The following PHLPP1 variants were observed in gnomAD, a reference collection of about 807,000 sequenced individuals.
PHLPP1 encodes PH domain and leucine rich repeat protein phosphatase 1.
A neutral mutation model predicts 117.2 loss-of-function variants in PHLPP1; 42 were observed. The ratio of observed to expected loss-of-function variants is 0.36; its 90% CI spans 0.28 to 0.46. The LOEUF (loss-of-function observed/expected upper bound fraction) is 0.46. PHLPP1 is among the 20% of genes least tolerant of loss of function. PHLPP1 has a pLI of 1.00. For synonymous variants in PHLPP1, 1,042 were observed against 970.7 expected (o/e 1.07, Z -1.37); for missense variants, 2,084 against 2,241.9 (o/e 0.93, Z 1.42).
intron 6 of PHLPP1, among the ~76,000 whole-genome samples, chr18:62,898,295 A>G (rs948501624): frequency 2.0e-5 from 3 of 152,002 alleles, no homozygotes; most frequent in African/African-American, 4.8e-5. Flanking sequence ...TACTCAACCA[A>G]TTCTTTCTCA....
rs552504018 is a variant in PHLPP1 at position 62,765,299 on chromosome 18, T to C, written c.1576+48040T>C. Among the ~76,000 whole-genome samples the C allele has an allele frequency of 1.5e-4, 23 of 152,368 alleles. 1 individual carries two copies. The South Asian group carries it at 1.7e-3, about 11-fold the overall frequency. On this transcript the variant is annotated intron_variant, in intron 1 of 16. Coordinates refer to ENST00000262719, the MANE Select transcript of PHLPP1 (RefSeq NM_194449.4). ...TTCTCTTTTTCTGTCTTCTCATTAC[T>C]GTCAGAGTTCTCTTTCTTAAAGTTC... is the stretch of plus-strand genomic sequence containing the variant.
chr18:62,821,856 A>G (rs1914468312), intron 1 of PHLPP1, among the ~76,000 whole-genome samples: 1 of 151,722 alleles, frequency 6.6e-6, no homozygotes, highest in South Asian at 2.1e-4. Flanking sequence ...TGTTCAAGCA[A>G]TTCTCCCACC....
At chr18:62,855,446 A>T (rs2144357260) in intron 3 of PHLPP1, among the ~76,000 whole-genome samples, 1 of 152,306 alleles carries the variant, frequency 6.6e-6, no homozygotes. Context: ...TAGAGCCCTG[A>T]TGTGCCCAGG....
chr18:62,772,457 T>G (rs1912814130), intron 1 of PHLPP1, among the ~76,000 whole-genome samples: 1 of 152,174 alleles, frequency 6.6e-6, no homozygotes, highest in Non-Finnish European at 1.5e-5. Context: ...TAGGATCCCA[T>G]AACATATCTT....
intron 1 of PHLPP1, among the ~76,000 whole-genome samples, chr18:62,773,301 A>G (rs1294950046): frequency 6.6e-6 from 1 of 152,246 alleles, no homozygotes; most frequent in Non-Finnish European, 1.5e-5. Context: ...GTTAGCTACA[A>G]GTCTCCATAG....
chr18:62,904,133 T>C (rs140793893), intron 7 of PHLPP1, among the ~76,000 whole-genome samples: 2 of 152,360 alleles, frequency 1.3e-5, no homozygotes, highest in Non-Finnish European at 2.9e-5. Context: ...CAAATAGGTA[T>C]ATTTTCTAGT....
chr18:62,722,561 G>A (rs1012721598), intron 1 of PHLPP1, among the ~76,000 whole-genome samples: 11 of 152,044 alleles, frequency 7.2e-5, no homozygotes, highest in African/African-American at 2.4e-4. Context: ...TGCATCTGGT[G>A]GAACACTGGT....
intron 10 of PHLPP1, among the ~76,000 whole-genome samples, chr18:62,923,316 T>G (rs1909532426): frequency 6.6e-6 from 1 of 152,212 alleles, no homozygotes; most frequent in Non-Finnish European, 1.5e-5. Context: ...ATCTTTGTTT[T>G]ATTTTATGAG....
At chr18:62,859,695 T>C (rs1054538171) in intron 3 of PHLPP1, among the ~76,000 whole-genome samples, 1 of 152,210 alleles carries the variant, frequency 6.6e-6, no homozygotes, top group Admixed American at 6.5e-5. Context: ...AGTATCTGTC[T>C]CTTGACCGTG....
intron 1 of PHLPP1, 26 bp downstream of exon 1, chr18:62,717,285 G>A (rs180727866): frequency 2.6e-6 from 4 of 1,538,606 alleles, no homozygotes; most frequent in Non-Finnish European, 2.6e-6. Flanking sequence ...GCCTTGACGG[G>A]TGGTTGCAAA....
intron 1 of PHLPP1, among the ~76,000 whole-genome samples, chr18:62,766,076 A>AATATATATATATATAT (rs60058262): frequency 1.5e-3 from 33 of 21,620 alleles, no homozygotes; most frequent in Middle Eastern, 0.024. Context: ...AAAAAAAAAA[A>AATATATATATATATAT]ATATATATAT....
At chr18:62,836,856 T>C (rs956521149) in intron 2 of PHLPP1, among the ~76,000 whole-genome samples, 3 of 151,644 alleles carry the variant, frequency 2.0e-5, no homozygotes, top group Non-Finnish European at 2.9e-5. Context: ...ACTCAAGAGG[T>C]TGAGATAGGA....
Position 62,715,924 on chromosome 18 carries a change from G to T in PHLPP1, c.241G>T (p.Gly81Trp). The T allele has an allele frequency of 9.6e-7, 1 of 1,042,318 alleles. No individual in the cohort carries two copies. The highest frequency in any genetic ancestry group is 1.2e-6 in the Non-Finnish European group (1 of 861,690). 64.6% of individuals were successfully genotyped at this position (1,042,318 alleles called of 1,614,324 possible). ...REEAPGEAPP[G>W]PLPGRAGGAG... ...AGAGGCCCCAGGCGAGGCGCCGCCGGGGCCGCTGCCGGGCAGAGCGGGGGG... is the reference window on the plus strand; with the variant it reads ...AGAGGCCCCAGGCGAGGCGCCGCCGTGGCCGCTGCCGGGCAGAGCGGGGGG... The change falls in exon 1 of 17, where the codon GGG becomes TGG. Residue 81 changes from glycine to tryptophan, a missense_variant. Gly to Trp is a radical substitution (Grantham distance 184). Transcript: ENST00000262719.
intron 14 of PHLPP1, among the ~76,000 whole-genome samples, chr18:62,968,606 C>T (rs961712916): frequency 7.5e-6 from 1 of 133,690 alleles, no homozygotes; most frequent in South Asian, 2.5e-4. Flanking sequence ...GGCACAATCT[C>T]GGTTCACTGC....
chr18:62,901,319 GT>G (rs1916720024), intron 6 of PHLPP1, among the ~76,000 whole-genome samples: 3 of 152,072 alleles, frequency 2.0e-5, no homozygotes, highest in Admixed American at 2.0e-4. Context: ...TAGTAATCTA[GT>G]GAGCATTTGG....
chr18:62,829,851 T>C (rs1469653375), intron 1 of PHLPP1, among the ~76,000 whole-genome samples, 184 bp from the exon 2 acceptor site: 2 of 152,256 alleles, frequency 1.3e-5, no homozygotes, highest in East Asian at 3.8e-4. Context: ...TACGTGTACA[T>C]GTGGAGATGT....
intron 1 of PHLPP1, among the ~76,000 whole-genome samples, chr18:62,718,277 A>G (rs1455502735): frequency 6.6e-6 from 1 of 152,236 alleles, no homozygotes; most frequent in Non-Finnish European, 1.5e-5. Context: ...CAAGAGTGTT[A>G]ACTCTTCGCT....
chr18:62,845,594 A>G (rs1159504585), intron 3 of PHLPP1, among the ~76,000 whole-genome samples: 1 of 152,176 alleles, frequency 6.6e-6, no homozygotes, highest in Non-Finnish European at 1.5e-5. Context: ...GAGGTTTCCA[A>G]CATATCGATT....
chr18:62,862,546 C>T (rs1293326535), intron 4 of PHLPP1, among the ~76,000 whole-genome samples: 1 of 152,180 alleles, frequency 6.6e-6, no homozygotes, highest in African/African-American at 2.4e-5. Flanking sequence ...CTTCTCACTT[C>T]ATTTTTGAGA....
Sources: gnomAD v4.1 joint callset for allele counts (sites outside exome capture counted in the v4.1 genomes callset) on GRCh38, gnomAD v4.1.1 for gene constraint, MANE v1.5 for transcripts, NCBI Gene and HGNC (gene_info 2026-07-23, HGNC 2026-07-21) for gene names.